The following ZNF185 variants were observed in gnomAD, a reference collection of about 807,000 sequenced individuals.
ZNF185 encodes zinc finger protein 185.
A neutral mutation model predicts 58.6 loss-of-function variants in ZNF185; 56 were observed. That is an observed-to-expected ratio of 0.95 (90% CI 0.77 to 1.19). ZNF185 has a LOEUF of 1.19. Ranked by LOEUF, ZNF185 falls within the 50% of genes most tolerant of loss-of-function variation. The pLI is 0.00. For synonymous variants in ZNF185, 230 were observed against 215.9 expected (o/e 1.07, Z -0.57); for missense variants, 627 against 573.5 (o/e 1.09, Z -0.95).
upstream of ZNF185, among the ~76,000 whole-genome samples, chrX:152,912,259 T>G (rs1296954211): frequency 3.6e-5 from 4 of 112,616 alleles, no homozygotes; most frequent in African/African-American, 1.3e-4. Flanking sequence ...CCCGGAGTCT[T>G]CTGACTGGAG....
chrX:152,915,768 AG>A (rs1176939108), intron 3 of ZNF185, among the ~76,000 whole-genome samples: 1 of 112,079 alleles, frequency 8.9e-6, no homozygotes, highest in African/African-American at 3.3e-5. Context: ...AACAGTGTCT[AG>A]GGGGGCTCTG....
At chrX:152,933,336 G>A (rs781960717) in intron 14 of ZNF185, among the ~76,000 whole-genome samples, 11 of 112,108 alleles carry the variant, frequency 9.8e-5, no homozygotes, top group Admixed American at 9.4e-4. Flanking sequence ...TGGAAGAGTC[G>A]GCACCTTCTT....
intron 15 of ZNF185, among the ~76,000 whole-genome samples, chrX:152,939,092 T>C (rs2046822369): frequency 9.0e-6 from 1 of 111,731 alleles, no homozygotes; most frequent in Admixed American, 9.5e-5. Flanking sequence ...GTTAAGAGAT[T>C]GGATCTTATT....
In ZNF185 at chrX:152,932,444, T is replaced by C. The variant is rs545310245; in HGVS notation, c.1023-429T>C. ...GTGAGCAGTGGCTGCAGGCTGGGCA[T>C]TTCTTCAGTGAGAACCTGGTAGCCA... is the stretch of plus-strand genomic sequence containing the variant. On this transcript the variant is annotated intron_variant, in intron 13 of 22. Transcript: ENST00000449285. Among the ~76,000 whole-genome samples the C allele has an allele frequency of 9.8e-5, 11 of 112,041 alleles. No homozygotes were observed. In the South Asian group the frequency reaches 4.1e-3, roughly 42 times the overall value.
At chrX:152,965,581 A>G in intron 19 of ZNF185, 54 bp downstream of exon 21, 2 of 1,018,982 alleles carry the variant, frequency 2.0e-6, no homozygotes, top group Middle Eastern at 2.6e-4. Context: ...CGGCTCCCAT[A>G]TTCTCATCCC....
chrX:152,928,732 G>A, intron 12 of ZNF185, 71 bp downstream of exon 13: 1 of 1,082,666 alleles, frequency 9.2e-7, no homozygotes, highest in Non-Finnish European at 1.3e-6. Context: ...GCCTCAGGTG[G>A]CAAATGATGA....
chrX:152,912,982 G>C (rs550354476), upstream of ZNF185, among the ~76,000 whole-genome samples: 32 of 113,130 alleles, frequency 2.8e-4, 1 homozygote, highest in South Asian at 0.01. Context: ...CTGGCACACA[G>C]CAGGCTCGGG....
intron 16 of ZNF185, among the ~76,000 whole-genome samples, chrX:152,950,121 T>G (rs1327259737): frequency 8.9e-6 from 1 of 112,600 alleles, no homozygotes; most frequent in Admixed American, 9.4e-5. Context: ...ATGGATTCCT[T>G]AGTCATTTGA....
chrX:152,936,133 T>G (rs1334002468), intron 14 of ZNF185, among the ~76,000 whole-genome samples: 1 of 112,618 alleles, frequency 8.9e-6, no homozygotes, highest in Admixed American at 9.3e-5. Flanking sequence ...CCCTATTTCA[T>G]TGATGGTAAA....
chrX:152,955,079 G>A (rs2048687785), intron 16 of ZNF185, among the ~76,000 whole-genome samples: 1 of 112,062 alleles, frequency 8.9e-6, no homozygotes, highest in African/African-American at 3.2e-5. Context: ...ACCAGTGTAT[G>A]AATGGTTGAA....
intron 4 of ZNF185, 45 bp downstream of exon 5, chrX:152,917,214 G>A (rs782235211): frequency 1.2e-5 from 14 of 1,209,453 alleles, no homozygotes; most frequent in African/African-American, 3.5e-5. Flanking sequence ...GCCCACTCAC[G>A]CCAAGCCCTG....
intron 11 of ZNF185, 70 bp from the exon 13 acceptor site, chrX:152,928,505 C>T: frequency 9.0e-7 from 1 of 1,114,670 alleles, no homozygotes; most frequent in Non-Finnish European, 1.2e-6. Context: ...CGGCCCACCG[C>T]ACTCACCAGC....
exon 17 of ZNF185, chrX:152,959,729 G>A (rs1603305897): frequency 8.3e-7 from 1 of 1,211,619 alleles, no homozygotes; most frequent in South Asian, 1.8e-5. Flanking sequence ...GGAAGGATGT[G>A]GCCACCAAGG....
intron 16 of ZNF185, among the ~76,000 whole-genome samples, chrX:152,958,902 G>A (rs1054588576): frequency 2.7e-5 from 3 of 112,524 alleles, no homozygotes; most frequent in Non-Finnish European, 3.8e-5. Flanking sequence ...CACAGGCCGG[G>A]GTGCGGCCGG....
At chrX:152,969,545 G>T in intron 21 of ZNF185, 61 bp downstream of exon 23, 1 of 958,216 alleles carries the variant, frequency 1.0e-6, no homozygotes, top group Non-Finnish European at 1.5e-6. Context: ...GTGCTGCTAA[G>T]AACGTTTTGT....
intron 13 of ZNF185, 51 bp from the exon 15 acceptor site, chrX:152,932,822 A>C: frequency 1.1e-6 from 1 of 945,952 alleles, no homozygotes; most frequent in Non-Finnish European, 1.5e-6. Flanking sequence ...TCTGGGTTAG[A>C]TGAGATCAAA....
intron 20 of ZNF185, 81 bp downstream of exon 22, chrX:152,967,319 G>C (rs1310449193): frequency 5.0e-6 from 5 of 1,003,798 alleles, no homozygotes; most frequent in Non-Finnish European, 7.0e-6. Flanking sequence ...GAGTCTGTTT[G>C]CTTTTGTCTT....
chrX:152,972,298 T>C (rs1272643377), exon 23 of ZNF185: 1 of 111,688 alleles, frequency 9.0e-6, no homozygotes, highest in African/African-American at 3.3e-5. Flanking sequence ...AAGCATTGAT[T>C]TTGTGCTCAG....
chrX:152,925,438 G>A (rs1940679101), intron 11 of ZNF185, among the ~76,000 whole-genome samples: 1 of 112,721 alleles, frequency 8.9e-6, no homozygotes, highest in Non-Finnish European at 1.9e-5. Flanking sequence ...GGTTGTCATT[G>A]CAAGGTGGCT....
Sources: allele counts gnomAD v4.1 joint callset (sites outside exome capture counted in the v4.1 genomes callset), GRCh38; gene constraint gnomAD v4.1.1; transcripts MANE v1.5; gene names NCBI Gene and HGNC (gene_info 2026-07-23, HGNC 2026-07-21).